The following ROBO2 variants were observed in gnomAD, a reference collection of about 807,000 sequenced individuals.
ROBO2 encodes the protein roundabout guidance receptor 2.
ROBO2 carries 53 observed loss-of-function variants against 160.8 expected under a neutral mutation model. That is an observed-to-expected ratio of 0.33 (90% CI 0.26 to 0.41). The LOEUF is 0.41. Ranked by LOEUF, ROBO2 falls within the 10% of genes least tolerant of loss-of-function variation. The pLI is 1.00. For synonymous variants in ROBO2, 664 were observed against 611.7 expected, an observed-to-expected ratio of 1.09 and a Z score of -1.26; for missense variants, 1,577 against 1,722.4, an observed-to-expected ratio of 0.92 and a Z score of 1.49.
chr3:76,992,869 G>A (rs2060770492), intron 2 of ROBO2, among the ~76,000 whole-genome samples: 1 of 152,068 alleles, frequency 6.6e-6, no homozygotes. Context: ...CCAGGCTGCA[G>A]TGCAGTGGCA....
At chr3:76,074,523 A>C (rs1401480974) in intron 2 of ROBO2, among the ~76,000 whole-genome samples, 4 of 152,220 alleles carry the variant, frequency 2.6e-5, no homozygotes, top group African/African-American at 4.8e-5. Flanking sequence ...ATGGGTAAAG[A>C]GATGGACAGA....
At chr3:76,903,769 C>G (rs1465560514) in intron 2 of ROBO2, among the ~76,000 whole-genome samples, 2 of 152,066 alleles carry the variant, frequency 1.3e-5, no homozygotes, top group African/African-American at 4.8e-5. Flanking sequence ...ACAGAATTCC[C>G]CGATAGCCAT....
intron 2 of ROBO2, chr3:77,316,954 G>T: frequency 7.4e-7 from 1 of 1,353,678 alleles, no homozygotes; most frequent in Non-Finnish European, 1.1e-6. Flanking sequence ...TCCGAAGCGC[G>T]TGTTACTGTT....
At chr3:77,612,947 C>T (rs928656760) in intron 21 of ROBO2, among the ~76,000 whole-genome samples, 1 of 150,986 alleles carries the variant, frequency 6.6e-6, no homozygotes, top group East Asian at 2.0e-4. Context: ...AGCGAGACTC[C>T]GTCTCAAAAA....
chr3:76,197,809 T>C (rs1363075785), intron 2 of ROBO2, among the ~76,000 whole-genome samples: 2 of 152,178 alleles, frequency 1.3e-5, no homozygotes, highest in East Asian at 1.9e-4. Context: ...AGAGCCAGGA[T>C]GTTTTGAAAT....
intron 23 of ROBO2, chr3:77,632,203 C>G (rs1010013159): frequency 3.9e-6 from 1 of 257,570 alleles, no homozygotes; most frequent in Admixed American, 5.4e-5. Context: ...TTTTGGAAAA[C>G]GATTGTGTAA....
intron 2 of ROBO2, among the ~76,000 whole-genome samples, chr3:77,024,269 A>G (rs886454207): frequency 6.6e-6 from 1 of 152,208 alleles, no homozygotes; most frequent in African/African-American, 2.4e-5. Context: ...GGAAGAGGAC[A>G]CAGGATGGGT....
intron 2 of ROBO2, among the ~76,000 whole-genome samples, chr3:76,393,699 A>G (rs2108667068): frequency 6.6e-6 from 1 of 152,290 alleles, no homozygotes; most frequent in African/African-American, 2.4e-5. Flanking sequence ...ACATGGCCTG[A>G]GAAAGTGAAG....
chr3:76,375,680 TA>T (rs958404826), intron 2 of ROBO2, among the ~76,000 whole-genome samples: 3 of 151,806 alleles, frequency 2.0e-5, no homozygotes, highest in East Asian at 1.9e-4. Flanking sequence ...GAAGATAGAT[TA>T]AAAAAAACTA....
chr3:77,448,057 A>G (rs1484568618), intron 2 of ROBO2, among the ~76,000 whole-genome samples: 1 of 152,144 alleles, frequency 6.6e-6, no homozygotes. Flanking sequence ...AGTTTTTGCG[A>G]TGTGACATTG....
intron 2 of ROBO2, among the ~76,000 whole-genome samples, chr3:76,049,403 A>ATATATATATATATATTTTTTTTTTTTTT (rs1414664360): frequency 1.9e-5 from 1 of 53,762 alleles, no homozygotes; most frequent in African/African-American, 1.5e-4. Flanking sequence ...ATATATATAT[A>ATATATATATATATATTTTTTTTTTTTTT]TTTTTTTTTT....
intron 2 of ROBO2, among the ~76,000 whole-genome samples, chr3:76,987,442 A>C (rs2149355077): frequency 6.6e-6 from 1 of 152,312 alleles, no homozygotes; most frequent in African/African-American, 2.4e-5. Flanking sequence ...ATCAGGGTTT[A>C]GAGCTGAATT....
At chr3:75,988,285 C>T (rs1178610533) in intron 2 of ROBO2, among the ~76,000 whole-genome samples, 6 of 151,892 alleles carry the variant, frequency 4.0e-5, no homozygotes, top group Non-Finnish European at 8.8e-5. Flanking sequence ...AGGAATTTGT[C>T]GATTTCATCT....
At chr3:77,418,233 T>C (rs115812333) in intron 2 of ROBO2, among the ~76,000 whole-genome samples, 1,991 of 152,268 alleles carry the variant, frequency 0.013, 37 homozygotes, top group African/African-American at 0.035. Flanking sequence ...GTGTTTAGCA[T>C]GGATAGGTAC....
chr3:76,915,036 A>G (rs1559696404), intron 2 of ROBO2, among the ~76,000 whole-genome samples: 1 of 152,212 alleles, frequency 6.6e-6, no homozygotes, highest in East Asian at 1.9e-4. Context: ...TCTTTAAAAT[A>G]CCAATTTGTA....
At chr3:76,797,425 A>G (rs985708142) in intron 2 of ROBO2, among the ~76,000 whole-genome samples, 1 of 152,126 alleles carries the variant, frequency 6.6e-6, no homozygotes, top group Non-Finnish European at 1.5e-5. Flanking sequence ...AACCTATGGC[A>G]TACAGCAAAA....
At chr3:77,640,257 G>A (rs553019647) in intron 24 of ROBO2, among the ~76,000 whole-genome samples, 118 of 151,952 alleles carry the variant, frequency 7.8e-4, no homozygotes, top group South Asian at 4.2e-3. Context: ...GACTAAAGGC[G>A]CCCGCCACCA....
intron 2 of ROBO2, among the ~76,000 whole-genome samples, chr3:77,363,658 C>T (rs1356037947): frequency 2.6e-5 from 4 of 152,120 alleles, no homozygotes; most frequent in Non-Finnish European, 2.9e-5. Flanking sequence ...TGTGGCAAAC[C>T]GAGCCAGGCT....
chr3:76,329,178 C>T (rs931051495), intron 2 of ROBO2, among the ~76,000 whole-genome samples: 9 of 152,008 alleles, frequency 5.9e-5, no homozygotes, highest in African/African-American at 2.2e-4. Flanking sequence ...CAAGGTCAGG[C>T]GGCGCTACTC....
Sources: allele counts gnomAD v4.1 joint callset (sites outside exome capture counted in the v4.1 genomes callset), GRCh38; gene constraint gnomAD v4.1.1; transcripts MANE v1.5; gene names NCBI Gene and HGNC (gene_info 2026-07-23, HGNC 2026-07-21).